The following FAM120B variants were observed in gnomAD, a reference collection of about 807,000 sequenced individuals.
FAM120B encodes family with sequence similarity 120 member B.
FAM120B carries 83 observed loss-of-function variants against 96.3 expected under a neutral mutation model. The ratio of observed to expected loss-of-function variants is 0.86; its 90% CI spans 0.72 to 1.03. FAM120B has a LOEUF of 1.03. FAM120B is among the 50% of genes least tolerant of loss of function. The probability of loss-of-function intolerance (pLI) is 0.00; values close to 1 mark genes in which losing one functional copy is unlikely to be tolerated. For synonymous variants in FAM120B, 407 were observed against 402.7 expected (o/e 1.01, Z -0.13); for missense variants, 1,027 against 1,121.2 (o/e 0.92, Z 1.20).
chr6:170,305,443 C>T (rs1189296322), upstream of FAM120B, among the ~76,000 whole-genome samples: 5 of 152,334 alleles, frequency 3.3e-5, no homozygotes, highest in Middle Eastern at 3.4e-3. Context: ...TTAATGCATA[C>T]GTGGTGCCAC....
chr6:170,308,374 A>G (rs1784408791), intron 1 of FAM120B, among the ~76,000 whole-genome samples: 1 of 152,052 alleles, frequency 6.6e-6, no homozygotes, highest in South Asian at 2.1e-4. Context: ...TTGACCTTCC[A>G]GTTTTTTTGT....
chr6:170,344,696 G>T (rs986494491), intron 4 of FAM120B, among the ~76,000 whole-genome samples: 2 of 152,164 alleles, frequency 1.3e-5, no homozygotes, highest in African/African-American at 4.8e-5. Context: ...TCCCCTAATC[G>T]TTGCGTGGAT....
chr6:170,291,373 C>T (rs1424959198), upstream of FAM120B, among the ~76,000 whole-genome samples: 4 of 151,706 alleles, frequency 2.6e-5, no homozygotes, highest in African/African-American at 7.3e-5. Context: ...AACTCCGGGC[C>T]GCGGCGGCAG....
intron 6 of FAM120B, among the ~76,000 whole-genome samples, chr6:170,361,198 G>GTGTATA (rs1426112399): frequency 1.3e-3 from 83 of 66,020 alleles, no homozygotes; most frequent in Non-Finnish European, 1.5e-3. Context: ...ATATATACGT[G>GTGTATA]TATATATATA....
At position 170,318,289 on chromosome 6, in the gene FAM120B, G is replaced by C; in HGVS notation, c.899G>C (p.Gly300Ala). The change falls in exon 2 of 11, where the codon GGA becomes GCA. Residue 300 changes from glycine (G) to alanine (A), a missense_variant. By Grantham distance (60) the Gly-to-Ala change is moderately conservative. Around this residue, in one of 3 missense-constraint regions of FAM120B, gnomAD observed 880 missense variants for 980.9 expected, o/e 0.90. Transcript: ENST00000476287. ...LGPNKALFYK[G>A]MASYLLPGQK... ...CCAAACAAAGCTCTTTTTTATAAAGGAATGGCATCATATCTTTTACCAGGA... is the reference window on the plus strand; with the variant it reads ...CCAAACAAAGCTCTTTTTTATAAAGCAATGGCATCATATCTTTTACCAGGA... The C allele has an allele frequency of 6.2e-7, 1 of 1,614,070 alleles. No individual in the cohort carries two copies. The highest frequency in any genetic ancestry group is 8.5e-7 in the Non-Finnish European group (1 of 1,180,010).
intron 1 of FAM120B, among the ~76,000 whole-genome samples, chr6:170,298,654 G>A (rs1027639251): frequency 1.3e-5 from 2 of 152,116 alleles, no homozygotes; most frequent in Non-Finnish European, 2.9e-5. Context: ...AGCCTAGTTG[G>A]TGAGTCTGAA....
chr6:170,348,881 G>C (rs867584378), intron 5 of FAM120B, among the ~76,000 whole-genome samples: 1 of 152,174 alleles, frequency 6.6e-6, no homozygotes, highest in African/African-American at 2.4e-5. Context: ...GATTTCAGGT[G>C]TCATAACCTT....
intron 1 of FAM120B, among the ~76,000 whole-genome samples, chr6:170,315,551 A>C (rs1583184634): frequency 6.6e-6 from 1 of 152,174 alleles, no homozygotes; most frequent in Non-Finnish European, 1.5e-5. Context: ...TATGTTTCCA[A>C]GATAAACTCT....
At chr6:170,329,019 C>T (rs376156448) in intron 3 of FAM120B, among the ~76,000 whole-genome samples, 29 of 152,114 alleles carry the variant, frequency 1.9e-4, no homozygotes, top group African/African-American at 7.0e-4. Context: ...GAGGTCTCTT[C>T]ATGTTTGCTG....
At chr6:170,380,503 C>T (rs1275437370) in intron 6 of FAM120B, among the ~76,000 whole-genome samples, 1 of 152,226 alleles carries the variant, frequency 6.6e-6, no homozygotes, top group Non-Finnish European at 1.5e-5. Context: ...TCCACATCCT[C>T]ACCAGCACTT....
Position 170,295,505 on chromosome 6 carries a change from T to A in FAM120B, c.48+52T>A. On this transcript the variant is annotated intron_variant, in intron 1 of 10. Transcript: ENST00000537664. The surrounding 1 kb of genome is among the most constrained non-coding windows in gnomAD (Gnocchi z 7.8). ...GCGCGCGGCCCCCAGGCAGCCGCGCTTCCACAGCGGGCAGGAGCGCGACCC... is the reference window on the plus strand; with the variant it reads ...GCGCGCGGCCCCCAGGCAGCCGCGCATCCACAGCGGGCAGGAGCGCGACCC... 1 of 690,814 alleles carries A rather than the reference T, an allele frequency of 1.4e-6. No homozygotes were observed. The highest frequency in any genetic ancestry group is 2.7e-5 in the East Asian group (1 of 36,394). 42.8% of individuals were successfully genotyped at this position (690,814 alleles called of 1,614,324 possible).
chr6:170,291,192 ATTT>A, upstream of FAM120B: 1 of 539,478 alleles, frequency 1.9e-6, no homozygotes, highest in South Asian at 1.7e-5. Flanking sequence ...AAACGCACTC[ATTT>A]ACATTCCTGC....
At chr6:170,381,631 AAT>A (rs1211495023) in intron 6 of FAM120B, among the ~76,000 whole-genome samples, 1 of 152,180 alleles carries the variant, frequency 6.6e-6, no homozygotes, top group South Asian at 2.1e-4. Flanking sequence ...TCTTGAACAA[AAT>A]ATGAGTGAAT....
At chr6:170,400,308 A>T (rs1194249449) in intron 9 of FAM120B, among the ~76,000 whole-genome samples, 1 of 152,194 alleles carries the variant, frequency 6.6e-6, no homozygotes, top group Non-Finnish European at 1.5e-5. Context: ...GGGAAGGTAG[A>T]ACTATGTCAT....
intron 9 of FAM120B, among the ~76,000 whole-genome samples, chr6:170,400,310 C>G (rs1476849758): frequency 6.6e-6 from 1 of 152,166 alleles, no homozygotes; most frequent in Non-Finnish European, 1.5e-5. Flanking sequence ...GAAGGTAGAA[C>G]TATGTCATTT....
intron 4 of FAM120B, among the ~76,000 whole-genome samples, chr6:170,332,235 A>C (rs1187173830): frequency 6.6e-6 from 1 of 152,240 alleles, no homozygotes; most frequent in Non-Finnish European, 1.5e-5. Flanking sequence ...TTACACTTGC[A>C]CTAATGCAAT....
chr6:170,379,729 A>G (rs978609649), intron 6 of FAM120B, among the ~76,000 whole-genome samples: 5 of 152,208 alleles, frequency 3.3e-5, no homozygotes, highest in Non-Finnish European at 2.9e-5. Flanking sequence ...TATTATACAC[A>G]TTAACTGTTG....
intron 5 of FAM120B, among the ~76,000 whole-genome samples, chr6:170,350,703 G>C (rs953995286): frequency 7.2e-5 from 11 of 152,154 alleles, no homozygotes; most frequent in African/African-American, 9.7e-5. Context: ...CCCTACAGTA[G>C]AATGGCCTGT....
intron 4 of FAM120B, among the ~76,000 whole-genome samples, chr6:170,334,603 G>A (rs1038041732): frequency 1.3e-5 from 2 of 152,112 alleles, no homozygotes; most frequent in Admixed American, 6.5e-5. Flanking sequence ...CTGGGTGTGT[G>A]TGTGCCTGCC....
Sources: allele counts gnomAD v4.1 joint callset (sites outside exome capture counted in the v4.1 genomes callset), GRCh38; gene constraint gnomAD v4.1.1; regional missense constraint gnomAD v4.1.1; non-coding constraint Gnocchi (gnomAD v3.1); transcripts MANE v1.5; gene names NCBI Gene and HGNC (gene_info 2026-07-23, HGNC 2026-07-21).